The following DNAH7 variants were observed in gnomAD, a reference collection of about 807,000 sequenced individuals.
DNAH7 encodes the protein axonemal beta dynein heavy chain 7.
A neutral mutation model predicts 444.6 loss-of-function variants in DNAH7; 397 were observed. The ratio of observed to expected loss-of-function variants is 0.89; its 90% CI spans 0.82 to 0.97. The LOEUF (loss-of-function observed/expected upper bound fraction) is 0.97, where lower values mean the gene tolerates loss of function less well. DNAH7 is among the 50% of genes least tolerant of loss of function. The pLI is 0.00. For missense variants in DNAH7, 4,902 were observed against 4,800.8 expected, an observed-to-expected ratio of 1.02 and a Z score of -0.62; for synonymous variants, 1,636 against 1,624.4, an observed-to-expected ratio of 1.01 and a Z score of -0.17.
intron 32 of DNAH7, 96 bp downstream of exon 32, chr2:195,888,703 G>A (rs1451424622): frequency 8.7e-6 from 11 of 1,261,484 alleles, no homozygotes; most frequent in South Asian, 1.6e-5. Context: ...AAGAAATTCT[G>A]CTAATATTTT....
intron 40 of DNAH7, among the ~76,000 whole-genome samples, chr2:195,869,773 C>T (rs1031040664): frequency 2.0e-5 from 3 of 152,122 alleles, no homozygotes; most frequent in Non-Finnish European, 4.4e-5. Flanking sequence ...GGAACACATC[C>T]CAGATCCCAT....
Position 195,941,451 on chromosome 2 carries a change from C to CAAAA in DNAH7, c.3079-4663_3079-4660dup, listed in dbSNP as rs1207029040. Among the ~76,000 whole-genome samples, 90 of 56,764 alleles carry CAAAA rather than the reference C, an allele frequency of 1.6e-3. 1 individual carries two copies. Among genetic ancestry groups the CAAAA allele is most frequent in the African/African-American group, 3.1e-3 (57 of 18,580 alleles). 37.2% of individuals were successfully genotyped at this position (56,764 alleles called of 152,430 possible). On this transcript the variant is annotated intron_variant, in intron 19 of 64. Transcript: ENST00000312428. ...GGCTTAAAACCTAGAACCTAGATGACAAAAAAAAAAAAAAAAAACCTAGAT... is the reference window on the plus strand; with the variant it reads ...GGCTTAAAACCTAGAACCTAGATGACAAAAAAAAAAAAAAAAAAAAAACCTAGAT...
intron 19 of DNAH7, among the ~76,000 whole-genome samples, chr2:195,955,641 A>G (rs984128710): frequency 2.0e-5 from 3 of 152,186 alleles, no homozygotes; most frequent in African/African-American, 7.2e-5. Context: ...CTTTATTTAC[A>G]AGGCCCAACA....
intron 40 of DNAH7, among the ~76,000 whole-genome samples, chr2:195,870,519 C>G (rs1046048627): frequency 1.3e-5 from 2 of 152,188 alleles, no homozygotes; most frequent in African/African-American, 4.8e-5. Flanking sequence ...CAAAATGCTG[C>G]CTTCAGCAAT....
chr2:195,927,731 C>T (rs942449742), intron 21 of DNAH7, among the ~76,000 whole-genome samples: 1 of 151,112 alleles, frequency 6.6e-6, no homozygotes, highest in Admixed American at 6.6e-5. Flanking sequence ...ATTATTATAT[C>T]TATGTTTACC....
chr2:196,048,344 C>A lies in DNAH7; in HGVS notation c.202G>T (p.Asp68Tyr). 6.2e-7 allele frequency: 1 copy of A among 1,613,994 alleles called. No individual in the cohort carries two copies. The highest frequency in any genetic ancestry group is 8.5e-7 in the Non-Finnish European group (1 of 1,179,940). Residue 68 changes from aspartate (D) to tyrosine (Y), a missense_variant, in exon 4 of 65, where the codon GAT (aspartate) becomes TAT (tyrosine). Transcript: ENST00000312428. ...APSFHLSVKQ[D>Y]DESPEPFSVK... The stretch of plus-strand genomic sequence containing the variant: ...CTAAATGGTTCTGGACTCTCATCAT[C>A]CTGCTTTACACTCAAATGGAATGAT...
In DNAH7 at chr2:195,808,738, T is replaced by C; in HGVS notation, c.10027A>G (p.Ile3343Val). The change falls in exon 53 of 65, where the codon ATT (isoleucine) becomes GTT (valine). Residue 3343 changes from isoleucine to valine, a missense_variant. Transcript: ENST00000312428. ...TTTAAGCGCATAAACTCTCTACGAA[T>C]GGTTTTGAAGGCAGGCAAATCATCT... ...RLDDLPAFKT[I>V]RREFMRLKDG... 6.2e-7 allele frequency: 1 copy of C among 1,614,066 alleles called. No homozygotes were observed.
At chr2:195,746,417 T>C (rs573215069) in intron 63 of DNAH7, among the ~76,000 whole-genome samples, 20 of 152,262 alleles carry the variant, frequency 1.3e-4, no homozygotes, top group Admixed American at 5.9e-4. Flanking sequence ...TAACACCCCA[T>C]TGTCAATATT....
chr2:195,993,565 C>A (rs759374258), intron 12 of DNAH7, among the ~76,000 whole-genome samples: 1 of 152,142 alleles, frequency 6.6e-6, no homozygotes, highest in Non-Finnish European at 1.5e-5. Flanking sequence ...CTTAGAGTGG[C>A]AGAACTCTAC....
chr2:195,898,228 C>CA (rs2125254012), intron 28 of DNAH7, among the ~76,000 whole-genome samples: 1 of 152,232 alleles, frequency 6.6e-6, no homozygotes, highest in African/African-American at 2.4e-5. Flanking sequence ...CTTTTCTCTG[C>CA]ATATACAGTT....
intron 54 of DNAH7, among the ~76,000 whole-genome samples, chr2:195,800,141 T>C (rs1696375802): frequency 6.6e-6 from 1 of 152,026 alleles, no homozygotes; most frequent in Admixed American, 6.6e-5. Flanking sequence ...TGACAAAGGG[T>C]CTACACCAAG....
At chr2:195,810,439 A>T (rs1239788244) in intron 51 of DNAH7, among the ~76,000 whole-genome samples, 2 of 152,030 alleles carry the variant, frequency 1.3e-5, no homozygotes, top group African/African-American at 4.8e-5. Context: ...ACAGGGTCTC[A>T]CTCTGTCACC....
intron 15 of DNAH7, among the ~76,000 whole-genome samples, chr2:195,976,731 GAGACAGAGAGGC>G (rs1343176379): frequency 1.2e-4 from 17 of 143,298 alleles, no homozygotes; most frequent in African/African-American, 4.2e-4. Context: ...CAGACAGAGA[GAGACAGAGAGGC>G]AGACAGAGAG....
intron 27 of DNAH7, chr2:195,905,011 T>C (rs747164526): frequency 1.3e-5 from 2 of 152,156 alleles, no homozygotes; most frequent in Non-Finnish European, 2.9e-5. Flanking sequence ...CTATGAGAAT[T>C]GAGAACAGCT....
intron 63 of DNAH7, among the ~76,000 whole-genome samples, chr2:195,751,019 A>C (rs1470403130): frequency 6.6e-6 from 1 of 152,132 alleles, no homozygotes; most frequent in Non-Finnish European, 1.5e-5. Flanking sequence ...TATGGGAAAA[A>C]ATTTTGTTAA....
intron 47 of DNAH7, among the ~76,000 whole-genome samples, chr2:195,843,267 A>C (rs1309529686): frequency 6.6e-6 from 1 of 152,190 alleles, no homozygotes. Flanking sequence ...AAAGGCGCTT[A>C]AAAATCTGCT....
intron 58 of DNAH7, among the ~76,000 whole-genome samples, chr2:195,779,064 C>T (rs1400164786): frequency 1.3e-5 from 2 of 152,076 alleles, no homozygotes; most frequent in East Asian, 1.9e-4. Context: ...AGGATGATCT[C>T]GATCTCCTGA....
intron 27 of DNAH7, chr2:195,903,749 T>C (rs1003637235): frequency 6.6e-6 from 1 of 152,156 alleles, no homozygotes; most frequent in African/African-American, 2.4e-5. Flanking sequence ...CGTCTACTTG[T>C]AGATTACAAA....
In DNAH7 at chr2:195,775,724, T is replaced by C. The variant is rs1453367314; in HGVS notation, c.11202+122A>G. The C allele has an allele frequency of 8.0e-6, 9 of 1,131,704 alleles. No homozygotes were observed. The African/African-American group carries it at 1.3e-4, about 16-fold the overall frequency. The allele number at this position is 1,131,704 out of a possible 1,614,324, so 70.1% of individuals were successfully genotyped here. ...TAAGTTATGTATGTATTTTTGTCTT[T>C]TCCTTTAAATGTTTCTCCACTTGAA... On this transcript the variant is annotated intron_variant, in intron 60 of 64. Transcript: ENST00000312428.
Sources: allele counts gnomAD v4.1 joint callset (sites outside exome capture counted in the v4.1 genomes callset), GRCh38; gene constraint gnomAD v4.1.1; transcripts MANE v1.5; gene names NCBI Gene and HGNC (gene_info 2026-07-23, HGNC 2026-07-21).